IGSF3: variants seen among roughly 807,000 people sequenced by gnomAD.
IGSF3 encodes immunoglobulin superfamily member 3.
A neutral mutation model predicts 114.4 loss-of-function variants in IGSF3; 23 were observed. That is an observed-to-expected ratio of 0.20 (90% CI 0.14 to 0.28). The LOEUF is 0.28. Among genes scored for constraint, IGSF3 ranks in the 10% least tolerant of loss-of-function variants. The pLI is 1.00. For synonymous variants in IGSF3, 571 were observed against 645.2 expected (o/e 0.88, Z 1.74); for missense variants, 1,172 against 1,591.5 (o/e 0.74, Z 4.48).
rs368200514 is a variant in IGSF3 at position 116,606,425 on chromosome 1, C to T, written c.1222+1517G>A. 37 of 1,608,136 alleles carry T rather than the reference C, an allele frequency of 2.3e-5. No individual in the cohort carries two copies. The East Asian group carries it at 5.1e-4, about 22-fold the overall frequency. On this transcript the variant is annotated intron_variant, in intron 5 of 10. Transcript: ENST00000369486. ...CACTTTGGTCTCTTAGGAGGAAAAG[C>T]GCCATTAAAATCCAAGGCATTGTCA...
At chr1:116,639,633 G>T (rs1258944803) in intron 2 of IGSF3, among the ~76,000 whole-genome samples, 4 of 152,138 alleles carry the variant, frequency 2.6e-5, no homozygotes, top group African/African-American at 9.7e-5. Flanking sequence ...AGCTTGTTAA[G>T]TCAAAGCAAG....
Position 116,584,466 on chromosome 1 carries a change from T to C in IGSF3, c.2848+179A>G. ...CTTAGGCCAAAGCCAGACGTGCAATTTTCCATTCACAAGAAAAAAAATTCA... is the reference window on the plus strand; with the variant it reads ...CTTAGGCCAAAGCCAGACGTGCAATCTTCCATTCACAAGAAAAAAAATTCA... On this transcript the variant is annotated intron_variant, in intron 9 of 10. Transcript: ENST00000369486. The surrounding 1 kb of genome is among the most constrained non-coding windows in gnomAD (Gnocchi z 5.8). 1.6e-6 allele frequency: 1 copy of C among 626,522 alleles called. No individual in the cohort carries two copies. The highest frequency in any genetic ancestry group is 2.8e-6 in the Non-Finnish European group (1 of 362,816). 38.8% of individuals were successfully genotyped at this position (626,522 alleles called of 1,614,324 possible).
In IGSF3 at chr1:116,575,017, C is replaced by T. The variant is rs1292722833; in HGVS notation, c.*2295G>A. On this transcript the variant is annotated 3_prime_UTR_variant, in exon 11 of 11. Coordinates refer to ENST00000369486, the MANE Select transcript of IGSF3 (RefSeq NM_001007237.3). This position sits in a 1 kb window ranked among gnomAD's most constrained non-coding sequence, Gnocchi z 5.6. ...AATTGCTTTACATATTTGTGTGCAGCACCTACTTCTTTATCGCCGTGAACT... is the reference window on the plus strand; with the variant it reads ...AATTGCTTTACATATTTGTGTGCAGTACCTACTTCTTTATCGCCGTGAACT... 1.3e-5 allele frequency: 2 copies of T among 152,578 alleles called. No individual in the cohort carries two copies. The highest frequency in any genetic ancestry group is 2.4e-5 in the African/African-American group (1 of 41,414). 9.5% of individuals were successfully genotyped at this position (152,578 alleles called of 1,614,324 possible).
rs1422938322 is a variant in IGSF3, at chr1:116,598,628, C to T, written c.2029+1313G>A. Among the ~76,000 whole-genome samples the T allele has an allele frequency of 6.6e-6, 1 of 152,198 alleles. No individual in the cohort carries two copies. The highest frequency in any genetic ancestry group is 2.4e-5 in the African/African-American group (1 of 41,448). ...CCTAAAGCAGTCAGGCAGACTAGGT[C>T]AGGCACTAACCATGGCTGTTAGTGG... is the stretch of plus-strand genomic sequence containing the variant. On this transcript the variant is annotated intron_variant, in intron 7 of 10. Transcript: ENST00000369486. This position sits in a 1 kb window ranked among gnomAD's most constrained non-coding sequence, Gnocchi z 4.3.
rs1032027288 is a variant in IGSF3 at position 116,607,801 on chromosome 1, A to G, written c.1222+141T>C. The G allele has an allele frequency of 6.1e-5, 49 of 807,658 alleles. No individual in the cohort carries two copies. The highest frequency in any genetic ancestry group is 8.5e-5 in the Non-Finnish European group (42 of 492,316). The allele number at this position is 807,658 out of a possible 1,614,324, so 50.0% of individuals were successfully genotyped here. On this transcript the variant is annotated intron_variant, in intron 5 of 10. Transcript: ENST00000369486. This position sits in a 1 kb window ranked among gnomAD's most constrained non-coding sequence, Gnocchi z 6.1. ...GGCTACAACAGGGAAGAGAGGCTCAATGGTTTTTCCCCCAGCTCTGCATTA... is the reference window on the plus strand; with the variant it reads ...GGCTACAACAGGGAAGAGAGGCTCAGTGGTTTTTCCCCCAGCTCTGCATTA...
At chr1:116,611,490 CAG>C (rs1275951474) in intron 4 of IGSF3, among the ~76,000 whole-genome samples, 2 of 152,124 alleles carry the variant, frequency 1.3e-5, no homozygotes, top group Non-Finnish European at 2.9e-5. Flanking sequence ...TCTTGGCTCA[CAG>C]AGTCAAGCCC....
rs1661183090 is a variant in IGSF3 at position 116,615,531 on chromosome 1, G to GCA, written c.421+547_421+548dup. Among the ~76,000 whole-genome samples the GCA allele has an allele frequency of 6.6e-6, 1 of 152,184 alleles. No individual in the cohort carries two copies. ...AGTGCTGCCCACAATGGAAGCTCCT[G>GCA]CATCCCTCTTCCTCATGTTTCCTTC... On this transcript the variant is annotated intron_variant, in intron 3 of 10. Transcript: ENST00000369486. This position sits in a 1 kb window ranked among gnomAD's most constrained non-coding sequence, Gnocchi z 4.3.
At chr1:116,640,054 A>AAAAAAAAG (rs1553218793) in intron 2 of IGSF3, among the ~76,000 whole-genome samples, 8 of 147,480 alleles carry the variant, frequency 5.4e-5, no homozygotes, top group African/African-American at 1.9e-4. Context: ...AAAAAAAAAA[A>AAAAAAAAG]AAAGAAAGAA....
chr1:116,600,763 A>G lies in IGSF3; in HGVS notation c.1625-418T>C, dbSNP rs1660545700. Reference sequence around the variant, plus strand: ...GCACAGGAGGAAAACACAACCACACAGCCCCAACACCACTTTTCCTGGTCC... The same window carrying G: ...GCACAGGAGGAAAACACAACCACACGGCCCCAACACCACTTTTCCTGGTCC... On this transcript the variant is annotated intron_variant, in intron 6 of 10. Coordinates refer to ENST00000369486, the MANE Select transcript of IGSF3 (RefSeq NM_001007237.3). This position sits in a 1 kb window ranked among gnomAD's most constrained non-coding sequence, Gnocchi z 5.5. 6.6e-6 allele frequency among the ~76,000 whole-genome samples: 1 copy of G among 152,152 alleles called. No homozygotes were observed. Among genetic ancestry groups the G allele is most frequent in the Non-Finnish European group, 1.5e-5 (1 of 68,008 alleles).
Position 116,579,672 on chromosome 1 carries a change from C to T in IGSF3, c.3054G>A (p.Glu1018=), listed in dbSNP as rs780464036. Residue 1018 remains glutamate (E), a synonymous_variant, in exon 10 of 11, where the codon GAG becomes GAA. Transcript: ENST00000369486. This position sits in a 1 kb window ranked among gnomAD's most constrained non-coding sequence, Gnocchi z 6.4. ...GGTCGTCGTCGTCGTCGTCGTCCTC[C>T]TCCTCCTCCTCCTCCCTTTCCTCTT... ...EQEEEREEEE[E]EDDDDDDDPT... The T allele has an allele frequency of 4.3e-6, 7 of 1,609,394 alleles. No homozygotes were observed. Among genetic ancestry groups the T allele is most frequent in the East Asian group, 2.2e-5 (1 of 44,846 alleles).
intron 2 of IGSF3, among the ~76,000 whole-genome samples, chr1:116,645,928 G>A (rs529845321): frequency 3.3e-5 from 5 of 152,368 alleles, no homozygotes; most frequent in South Asian, 2.1e-4. Flanking sequence ...AGCCATGGAC[G>A]CGACTGCGCT....
chr1:116,579,274 A>G lies in IGSF3; in HGVS notation c.3334+118T>C. ...TCCCACCATATCTCAAATCCTACTAATAAATGCCCATGACAGTTAAGAAAA... is the reference window on the plus strand; with the variant it reads ...TCCCACCATATCTCAAATCCTACTAGTAAATGCCCATGACAGTTAAGAAAA... On this transcript the variant is annotated intron_variant, in intron 10 of 10. Transcript: ENST00000369486. This position sits in a 1 kb window ranked among gnomAD's most constrained non-coding sequence, Gnocchi z 6.4. 1 of 1,324,262 alleles carries G rather than the reference A, an allele frequency of 7.6e-7. No individual in the cohort carries two copies. 82.0% of individuals were successfully genotyped at this position (1,324,262 alleles called of 1,614,324 possible). A position where few individuals can be genotyped will look rare whatever the true frequency, so the allele number is the denominator to read the frequency against.
chr1:116,601,478 A>G (rs1660585886), intron 6 of IGSF3, among the ~76,000 whole-genome samples: 1 of 152,074 alleles, frequency 6.6e-6, no homozygotes, highest in African/African-American at 2.4e-5. Context: ...CTCTGTGAAG[A>G]TTAAATAAAT....
intron 2 of IGSF3, among the ~76,000 whole-genome samples, chr1:116,630,406 G>A (rs879204803): frequency 1.1e-4 from 16 of 152,198 alleles, no homozygotes; most frequent in Non-Finnish European, 1.8e-4. Flanking sequence ...CAAATCTGCA[G>A]CAAACTAGCA....
rs1413873572 is a variant in IGSF3 at position 116,654,332 on chromosome 1, C to A, written c.43+11952G>T. Among the ~76,000 whole-genome samples, 1 of 152,222 alleles carries A rather than the reference C, an allele frequency of 6.6e-6. No homozygotes were observed. Among genetic ancestry groups the A allele is most frequent in the Non-Finnish European group, 1.5e-5 (1 of 68,044 alleles). ...TACAACCGTCTGGGACCTGCAGTCT[C>A]AGAGGGCTCACGGAGAAGGGGGAAG... On this transcript the variant is annotated intron_variant, in intron 2 of 10. Transcript: ENST00000369486. The surrounding 1 kb of genome is among the most constrained non-coding windows in gnomAD (Gnocchi z 4.4).
intron 9 of IGSF3, among the ~76,000 whole-genome samples, chr1:116,580,228 C>A (rs949193009): frequency 6.6e-6 from 1 of 152,096 alleles, no homozygotes; most frequent in Admixed American, 6.5e-5. Flanking sequence ...TCACTGTAAC[C>A]CCTTGTAGTG....
Position 116,584,887 on chromosome 1 carries a change from C to T in IGSF3, c.2606G>A (p.Arg869His), listed in dbSNP as rs142344210. 9.9e-6 allele frequency: 16 copies of T among 1,614,076 alleles called. No individual in the cohort carries two copies. Among genetic ancestry groups the T allele is most frequent in the Admixed American group, 1.7e-5 (1 of 60,012 alleles). The stretch of plus-strand genomic sequence containing the variant: ...GTGGAAGGTGGCGTCACGGCTCAAG[C>T]GGGCCACAGTCTCCCGCTCAGGGTG... ...PNHPERETVA[R>H]LSRDATFHYG... Residue 869 changes from arginine (R) to histidine (H), a missense_variant, in exon 9 of 11, where the codon CGC becomes CAC. By Grantham distance (29) the Arg-to-His change is conservative (BLOSUM62 0). Transcript: ENST00000369486. The surrounding 1 kb of genome is among the most constrained non-coding windows in gnomAD (Gnocchi z 5.8).
chr1:116,665,607 T>G lies in IGSF3; in HGVS notation c.43+677A>C, dbSNP rs372471235. On this transcript the variant is annotated intron_variant, in intron 2 of 10. Coordinates refer to ENST00000369486, the MANE Select transcript of IGSF3 (RefSeq NM_001007237.3). The surrounding 1 kb of genome is among the most constrained non-coding windows in gnomAD (Gnocchi z 4.0). ...AGGTTCACCTCTCAGGGCCATAGTTTCTTCTTCCCACTCTAGGCATTCTGA... is the reference window on the plus strand; with the variant it reads ...AGGTTCACCTCTCAGGGCCATAGTTGCTTCTTCCCACTCTAGGCATTCTGA... Among the ~76,000 whole-genome samples the G allele has an allele frequency of 6.0e-4, 91 of 152,276 alleles. No individual in the cohort carries two copies. The highest frequency in any genetic ancestry group is 2.1e-3 in the African/African-American group (87 of 41,560).
At position 116,600,875 on chromosome 1, in the gene IGSF3, C is replaced by A. The variant is rs932346565; in HGVS notation, c.1625-530G>T. Reference sequence around the variant, plus strand: ...TCCCTCATGAAATCCAAAAACAGAGCAGGTGGGGACCTCCAGTGGGGTGGG... The same window carrying A: ...TCCCTCATGAAATCCAAAAACAGAGAAGGTGGGGACCTCCAGTGGGGTGGG... On this transcript the variant is annotated intron_variant, in intron 6 of 10. Transcript: ENST00000369486. The surrounding 1 kb of genome is among the most constrained non-coding windows in gnomAD (Gnocchi z 5.5). Among the ~76,000 whole-genome samples, 23 of 152,204 alleles carry A rather than the reference C, an allele frequency of 1.5e-4. No individual in the cohort carries two copies. The highest frequency in any genetic ancestry group is 2.4e-4 in the Non-Finnish European group (16 of 68,012).
Sources: gnomAD v4.1 joint callset for allele counts (sites outside exome capture counted in the v4.1 genomes callset) on GRCh38, gnomAD v4.1.1 for gene constraint, Gnocchi (gnomAD v3.1) non-coding constraint, MANE v1.5 for transcripts, NCBI Gene and HGNC (gene_info 2026-07-23, HGNC 2026-07-21) for gene names.